The following RNF214 variants were observed in gnomAD, a reference collection of about 807,000 sequenced individuals.
The protein encoded by RNF214 is ring finger protein 214.
RNF214 carries 25 observed loss-of-function variants against 75.9 expected under a neutral mutation model. That is an observed-to-expected ratio of 0.33 (90% CI 0.24 to 0.46). RNF214 has a LOEUF of 0.46. Among genes scored for constraint, RNF214 ranks in the 20% least tolerant of loss-of-function variants. The pLI is 1.00. For missense variants in RNF214, 725 were observed against 857.5 expected (o/e 0.85, Z 1.93); for synonymous variants, 314 against 308.8 (o/e 1.02, Z -0.18).
intron 6 of RNF214, among the ~76,000 whole-genome samples, chr11:117,251,918 G>T (rs137909965): frequency 6.6e-6 from 1 of 152,044 alleles, no homozygotes; most frequent in Non-Finnish European, 1.5e-5. Flanking sequence ...GCCCAGGCAG[G>T]AGTGCAGTGG....
chr11:117,240,864 A>G (rs2033060161), intron 4 of RNF214, among the ~76,000 whole-genome samples: 1 of 152,044 alleles, frequency 6.6e-6, no homozygotes, highest in Non-Finnish European at 1.5e-5. Context: ...TAACATGGTG[A>G]AACCTCGTCC....
At chr11:117,262,707 T>TGTGTG (rs2033693912) in intron 6 of RNF214, among the ~76,000 whole-genome samples, 1 of 147,644 alleles carries the variant, frequency 6.8e-6, no homozygotes, top group African/African-American at 2.5e-5. Flanking sequence ...TTGAGGAACG[T>TGTGTG]TGTGTGTGTG....
intron 6 of RNF214, among the ~76,000 whole-genome samples, chr11:117,270,932 TG>T (rs1460121007): frequency 6.6e-6 from 1 of 152,040 alleles, no homozygotes; most frequent in Non-Finnish European, 1.5e-5. Flanking sequence ...AATGTGGCTC[TG>T]TCCCCCAGGC....
intron 6 of RNF214, among the ~76,000 whole-genome samples, chr11:117,262,157 C>A (rs2033680605): frequency 6.6e-6 from 1 of 151,322 alleles, no homozygotes; most frequent in African/African-American, 2.4e-5. Flanking sequence ...GCAAGCTCTG[C>A]CTCCCTGCAA....
intron 6 of RNF214, 47 bp from the exon 7 acceptor site, chr11:117,279,861 A>C: frequency 4.1e-6 from 6 of 1,471,664 alleles, no homozygotes; most frequent in Non-Finnish European, 4.7e-6. Flanking sequence ...TCTCTCAACA[A>C]GCTTATCTTT....
chr11:117,251,103 A>G (rs1042855685), intron 6 of RNF214, among the ~76,000 whole-genome samples: 4 of 150,894 alleles, frequency 2.7e-5, no homozygotes, highest in East Asian at 2.0e-4. Context: ...CATTGTCATC[A>G]TGGCCCGTTC....
At chr11:117,274,128 CTCT>C (rs1396052685) in intron 6 of RNF214, among the ~76,000 whole-genome samples, 3 of 152,084 alleles carry the variant, frequency 2.0e-5, no homozygotes, top group African/African-American at 7.2e-5. Flanking sequence ...TTTCTCCCCC[CTCT>C]TCTTCCCCGA....
chr11:117,237,773 A>G (rs577888460), intron 2 of RNF214, among the ~76,000 whole-genome samples: 1 of 152,180 alleles, frequency 6.6e-6, no homozygotes, highest in Non-Finnish European at 1.5e-5. Context: ...TAAAATTTCT[A>G]TTGACAGCTT....
intron 6 of RNF214, among the ~76,000 whole-genome samples, chr11:117,266,306 G>A (rs1238424159): frequency 6.6e-6 from 1 of 152,000 alleles, no homozygotes; most frequent in Admixed American, 6.6e-5. Flanking sequence ...AGTTTTCTGA[G>A]TTTCTTGATC....
intron 6 of RNF214, among the ~76,000 whole-genome samples, chr11:117,254,822 A>G (rs1591826787): frequency 6.6e-6 from 1 of 152,012 alleles, no homozygotes; most frequent in Non-Finnish European, 1.5e-5. Flanking sequence ...ACGGGGTTTC[A>G]TCATTGTTGG....
At chr11:117,270,241 CTTTTT>C (rs57144374) in intron 6 of RNF214, among the ~76,000 whole-genome samples, 5 of 75,864 alleles carry the variant, frequency 6.6e-5, no homozygotes, top group South Asian at 7.8e-4. Context: ...CTTTTCTTTT[CTTTTT>C]TTTTTTTTTT....
intron 2 of RNF214, among the ~76,000 whole-genome samples, chr11:117,234,696 T>C (rs1388249979): frequency 6.6e-6 from 1 of 152,268 alleles, no homozygotes. Context: ...ATATGAGAAA[T>C]GTTATATCAG....
intron 6 of RNF214, among the ~76,000 whole-genome samples, chr11:117,262,231 C>T (rs528672417): frequency 4.1e-4 from 63 of 151,854 alleles, no homozygotes; most frequent in Non-Finnish European, 6.9e-4. Context: ...GGACTACAGG[C>T]ACCCGCCACC....
chr11:117,249,862 A>T (rs2033324022), intron 6 of RNF214, among the ~76,000 whole-genome samples: 2 of 152,156 alleles, frequency 1.3e-5, no homozygotes, highest in Non-Finnish European at 2.9e-5. Context: ...TGCCTCCTTC[A>T]AGGCCCTGTA....
intron 2 of RNF214, among the ~76,000 whole-genome samples, chr11:117,235,363 A>ATT (rs1269286497): frequency 1.3e-5 from 2 of 151,622 alleles, no homozygotes; most frequent in Non-Finnish European, 2.9e-5. Context: ...CGCCCGGCTA[A>ATT]TTTTTTGTAT....
chr11:117,261,741 G>A (rs2033666901), intron 6 of RNF214, among the ~76,000 whole-genome samples: 1 of 151,678 alleles, frequency 6.6e-6, no homozygotes, highest in South Asian at 2.1e-4. Context: ...CGCCTCCTGG[G>A]TTCAAGCAAT....
chr11:117,240,166 A>C (rs2033031331), intron 4 of RNF214, among the ~76,000 whole-genome samples: 1 of 151,952 alleles, frequency 6.6e-6, no homozygotes, highest in Non-Finnish European at 1.5e-5. Context: ...CAGCCTGGGC[A>C]ACACAGTGAA....
At chr11:117,261,606 C>A (rs1481295847) in intron 6 of RNF214, among the ~76,000 whole-genome samples, 1 of 151,988 alleles carries the variant, frequency 6.6e-6, no homozygotes, top group East Asian at 1.9e-4. Context: ...GATTTTTTTC[C>A]TTTATTATGT....
intron 6 of RNF214, among the ~76,000 whole-genome samples, chr11:117,253,967 A>G (rs534966886): frequency 6.6e-6 from 1 of 152,136 alleles, no homozygotes; most frequent in African/African-American, 2.4e-5. Context: ...ATAAGAGTCT[A>G]TGTTGGCTGG....
Sources: gnomAD v4.1 joint callset for allele counts (sites outside exome capture counted in the v4.1 genomes callset) on GRCh38, gnomAD v4.1.1 for gene constraint, MANE v1.5 for transcripts, NCBI Gene and HGNC (gene_info 2026-07-23, HGNC 2026-07-21) for gene names.